GAR1: variants seen among roughly 807,000 people sequenced by gnomAD.
GAR1 encodes GAR1 ribonucleoprotein.
Under a neutral mutation model 29.3 loss-of-function variants are expected in GAR1, and 11 were observed. That is an observed-to-expected ratio of 0.38 (90% CI 0.24 to 0.62). The LOEUF is 0.62. Ranked by LOEUF, GAR1 falls within the 20% of genes least tolerant of loss-of-function variation. GAR1 has a pLI of 0.62. For synonymous variants in GAR1, 87 were observed against 93.3 expected (o/e 0.93, Z 0.39); for missense variants, 237 against 268.4 (o/e 0.88, Z 0.82).
intron 4 of GAR1, among the ~76,000 whole-genome samples, chr4:109,821,337 A>G (rs967483743): frequency 3.3e-5 from 5 of 152,122 alleles, no homozygotes; most frequent in African/African-American, 1.2e-4. Context: ...TCTAGACAAT[A>G]TTTTTGAGAT....
chr4:109,816,496 T>C, intron 2 of GAR1, 118 bp downstream of exon 2: 2 of 963,698 alleles, frequency 2.1e-6, no homozygotes, highest in East Asian at 2.4e-5. Flanking sequence ...CATGTAAGGG[T>C]GGAGTGGGGA....
At chr4:109,818,663 C>T (rs545869240) in intron 3 of GAR1, among the ~76,000 whole-genome samples, 1 of 147,956 alleles carries the variant, frequency 6.8e-6, no homozygotes, top group East Asian at 2.0e-4. Flanking sequence ...CTCCTGGGTT[C>T]GAGCAATTCT....
chr4:109,818,435 T>TTC (rs998151805), intron 3 of GAR1, among the ~76,000 whole-genome samples: 2 of 151,764 alleles, frequency 1.3e-5, no homozygotes, highest in Admixed American at 6.6e-5. Flanking sequence ...CTTCCTTCCT[T>TTC]TCTCTCTCTC....
intron 4 of GAR1, among the ~76,000 whole-genome samples, chr4:109,821,711 A>G (rs990604231): frequency 5.9e-5 from 9 of 152,186 alleles, no homozygotes; most frequent in African/African-American, 9.7e-5. Flanking sequence ...TAAATAATCT[A>G]TTTCTAAAGA....
rs531156655 is a variant in GAR1 at position 109,815,933 on chromosome 4, T to C, written c.-13+129T>C. 2.7e-5 allele frequency: 16 copies of C among 589,630 alleles called. No homozygotes were observed. The Admixed American group carries it at 3.2e-4, about 12-fold the overall frequency. The allele number at this position is 589,630 out of a possible 1,614,324, so 36.5% of individuals were successfully genotyped here. ...CTGTAGGGGGAGGAGATACTAATCA[T>C]GGGGCGGCAAGGGTGGTGTGTGGTC... On this transcript the variant is annotated intron_variant, in intron 1 of 6. Transcript: ENST00000226796.
chr4:109,817,146 T>C (rs1321853104), intron 2 of GAR1, among the ~76,000 whole-genome samples: 1 of 152,018 alleles, frequency 6.6e-6, no homozygotes, highest in Non-Finnish European at 1.5e-5. Context: ...GCCCACAAGC[T>C]GTTGTACCAG....
chr4:109,819,405 C>T (rs1313165628), intron 4 of GAR1: 5 of 295,224 alleles, frequency 1.7e-5, no homozygotes, highest in Admixed American at 5.2e-5. Context: ...ATTTGAGAGG[C>T]GGTAGGTACT....
intron 4 of GAR1, 132 bp downstream of exon 4, chr4:109,819,192 T>A: frequency 1.4e-6 from 1 of 725,720 alleles, no homozygotes; most frequent in Non-Finnish European, 2.5e-6. Context: ...AAATGTTCCA[T>A]GCTATAAATA....
chr4:109,823,906 T>G, intron 5 of GAR1, 59 bp from the exon 6 acceptor site: 1 of 1,084,218 alleles, frequency 9.2e-7, no homozygotes, highest in Non-Finnish European at 1.4e-6. Flanking sequence ...AACTTAATGA[T>G]TATTATATTC....
At chr4:109,817,234 G>A (rs1733379450) in intron 2 of GAR1, among the ~76,000 whole-genome samples, 2 of 152,286 alleles carry the variant, frequency 1.3e-5, no homozygotes, top group South Asian at 4.1e-4. Flanking sequence ...ATAGGAGAGA[G>A]ATTTCAAAGG....
chr4:109,821,096 T>A (rs975335488), intron 4 of GAR1, among the ~76,000 whole-genome samples: 1 of 152,220 alleles, frequency 6.6e-6, no homozygotes, highest in East Asian at 1.9e-4. Flanking sequence ...TATGTTGAGA[T>A]TCAGCCCTCC....
intron 6 of GAR1, 30 bp downstream of exon 6, chr4:109,824,063 T>G (rs1733589179): frequency 7.2e-7 from 1 of 1,388,598 alleles, no homozygotes; most frequent in Non-Finnish European, 1.0e-6. Flanking sequence ...TTTAAATTGC[T>G]TAATGTTTAA....
chr4:109,822,045 C>T (rs1733527392), intron 4 of GAR1, among the ~76,000 whole-genome samples: 1 of 149,414 alleles, frequency 6.7e-6, no homozygotes, highest in Non-Finnish European at 1.5e-5. Context: ...CCGATGCATA[C>T]GGGGCTTAAA....
intron 3 of GAR1, 139 bp downstream of exon 3, chr4:109,818,229 A>C (rs1232056453): frequency 3.2e-6 from 2 of 633,378 alleles, no homozygotes; most frequent in Non-Finnish European, 5.4e-6. Context: ...ATGAAGGAGA[A>C]TCAAGGGGAG....
chr4:109,824,455 C>T lies in GAR1; in HGVS notation c.*24C>T. On this transcript the variant is annotated 3_prime_UTR_variant, in exon 7 of 7. Coordinates refer to ENST00000226796, the MANE Select transcript of GAR1 (RefSeq NM_018983.4). ...AAGTGAAACAGTTGACAGACATCAC[C>T]AGTTGACTTCTGCATTAACCTGCAT... 1 of 1,553,048 alleles carries T rather than the reference C, an allele frequency of 6.4e-7. No individual in the cohort carries two copies.
Position 109,824,736 on chromosome 4 carries a change from A to C in GAR1, c.*305A>C. 3.8e-6 allele frequency: 1 copy of C among 259,888 alleles called. No homozygotes were observed. 16.1% of individuals were successfully genotyped at this position (259,888 alleles called of 1,614,324 possible). ...TTAAAATAAAGTGTTTTATTCCCTTAAGTTATTTAGAGTGTGTTTATTAAA... is the reference window on the plus strand; with the variant it reads ...TTAAAATAAAGTGTTTTATTCCCTTCAGTTATTTAGAGTGTGTTTATTAAA... On this transcript the variant is annotated 3_prime_UTR_variant, in exon 7 of 7. Transcript: ENST00000226796.
At chr4:109,823,715 G>A (rs1235946662) in intron 5 of GAR1, among the ~76,000 whole-genome samples, 1 of 152,052 alleles carries the variant, frequency 6.6e-6, no homozygotes, top group African/African-American at 2.4e-5. Context: ...CTAATTTATT[G>A]AAATGGAATA....
At position 109,816,194 on chromosome 4, in the gene GAR1, C is replaced by A; in HGVS notation, c.30C>A (p.Gly10=). 6.2e-7 allele frequency: 1 copy of A among 1,609,652 alleles called. No individual in the cohort carries two copies. Among genetic ancestry groups the A allele is most frequent in the Non-Finnish European group, 8.5e-7 (1 of 1,178,554 alleles). Residue 10 remains glycine (G), a synonymous_variant, in exon 2 of 7, where the codon GGC becomes GGA. Transcript: ENST00000226796. MSFRGGGRG[G]FNRGGGGGGF... is the part of the protein sequence containing the mutation. ...CTTTTCGAGGCGGAGGTCGTGGAGG[C>A]TTTAATCGAGGTGGTGGAGGTGGCG... is the stretch of plus-strand genomic sequence containing the variant.
intron 3 of GAR1, among the ~76,000 whole-genome samples, chr4:109,818,316 G>C (rs1180002342): frequency 2.0e-5 from 3 of 151,992 alleles, no homozygotes; most frequent in African/African-American, 7.2e-5. Flanking sequence ...TATTAATGAT[G>C]GCCATTTGGA....
Sources: gnomAD v4.1 joint callset for allele counts (sites outside exome capture counted in the v4.1 genomes callset) on GRCh38, gnomAD v4.1.1 for gene constraint, MANE v1.5 for transcripts, NCBI Gene and HGNC (gene_info 2026-07-23, HGNC 2026-07-21) for gene names.